Variants in CDH13 observed in about 807,000 individuals in gnomAD.
The protein encoded by CDH13 is cadherin-13.
CDH13 carries 24 observed loss-of-function variants against 63.8 expected under a neutral mutation model. The observed-to-expected ratio is 0.38, with a 90% confidence interval of 0.27 to 0.53. CDH13 has a LOEUF of 0.53. Among genes scored for constraint, CDH13 ranks in the 20% least tolerant of loss-of-function variants. The probability of loss-of-function intolerance (pLI) is 0.85; values close to 1 mark genes in which losing one functional copy is unlikely to be tolerated. For synonymous variants in CDH13, 503 were observed against 355.3 expected (o/e 1.42, Z -4.67); for missense variants, 1,049 against 903.1 (o/e 1.16, Z -2.07).
chr16:82,733,113 G>A (rs1292771846), intron 1 of CDH13, among the ~76,000 whole-genome samples: 2 of 152,186 alleles, frequency 1.3e-5, no homozygotes, highest in East Asian at 3.9e-4. Context: ...CAAGCATGAG[G>A]CAGAGAAGTT....
intron 7 of CDH13, among the ~76,000 whole-genome samples, chr16:83,541,449 G>A (rs951586400): frequency 2.6e-5 from 4 of 152,130 alleles, no homozygotes; most frequent in Non-Finnish European, 4.4e-5. Flanking sequence ...GGCAGAGATC[G>A]TGTGTTCACT....
At chr16:83,448,351 C>A (rs994199761) in intron 6 of CDH13, among the ~76,000 whole-genome samples, 3 of 152,070 alleles carry the variant, frequency 2.0e-5, no homozygotes, top group African/African-American at 7.2e-5. Flanking sequence ...ATCCAAGATA[C>A]CAACTTCAGC....
chr16:83,531,869 G>T (rs954534750), intron 7 of CDH13, among the ~76,000 whole-genome samples: 1 of 152,184 alleles, frequency 6.6e-6, no homozygotes, highest in Admixed American at 6.5e-5. Context: ...CAACCTAACA[G>T]TTTGTGGTAA....
intron 2 of CDH13, among the ~76,000 whole-genome samples, chr16:82,977,366 C>G (rs756484751): frequency 1.3e-5 from 2 of 152,192 alleles, no homozygotes; most frequent in African/African-American, 4.8e-5. Flanking sequence ...CACATGCACA[C>G]TGATATGGTT....
At chr16:82,740,179 T>A (rs773977874) in intron 1 of CDH13, among the ~76,000 whole-genome samples, 3 of 152,226 alleles carry the variant, frequency 2.0e-5, no homozygotes, top group Non-Finnish European at 4.4e-5. Context: ...TGAGCTCATA[T>A]CTGTCTATTT....
At chr16:83,064,350 CAA>C (rs1482521617) in intron 3 of CDH13, among the ~76,000 whole-genome samples, 1 of 109,786 alleles carries the variant, frequency 9.1e-6, no homozygotes, top group Non-Finnish European at 1.8e-5. Context: ...GCCTGGGTGA[CAA>C]AGTGAGACTG....
At chr16:83,012,707 A>G (rs1204610474) in intron 2 of CDH13, among the ~76,000 whole-genome samples, 1 of 152,176 alleles carries the variant, frequency 6.6e-6, no homozygotes, top group Non-Finnish European at 1.5e-5. Context: ...AAATTAAATT[A>G]TTCCTTTTGA....
At chr16:82,906,768 C>T (rs1377912198) in intron 2 of CDH13, among the ~76,000 whole-genome samples, 2 of 152,192 alleles carry the variant, frequency 1.3e-5, no homozygotes, top group Non-Finnish European at 2.9e-5. Context: ...TTCCCCACCC[C>T]TTCCTAGATG....
intron 10 of CDH13, among the ~76,000 whole-genome samples, chr16:83,727,632 C>G (rs573862807): frequency 8.6e-5 from 13 of 152,002 alleles, no homozygotes; most frequent in Non-Finnish European, 1.8e-4. Context: ...TTTTATAAGC[C>G]GAGAATGTTA....
chr16:83,371,894 C>T (rs2091373948), intron 6 of CDH13, among the ~76,000 whole-genome samples: 1 of 152,126 alleles, frequency 6.6e-6, no homozygotes, highest in South Asian at 2.1e-4. Context: ...GGAACAAGAA[C>T]ATTGTCCAGA....
intron 2 of CDH13, among the ~76,000 whole-genome samples, chr16:82,999,104 G>T (rs1435863926): frequency 1.3e-5 from 2 of 152,098 alleles, no homozygotes; most frequent in African/African-American, 4.8e-5. Flanking sequence ...TCTGGTGAAA[G>T]CATCCCTCTT....
chr16:82,754,555 T>C (rs551296437), intron 1 of CDH13, among the ~76,000 whole-genome samples: 2 of 152,294 alleles, frequency 1.3e-5, no homozygotes, highest in Admixed American at 6.5e-5. Context: ...TTGCTTTTCC[T>C]ATTGCTAAGC....
intron 3 of CDH13, among the ~76,000 whole-genome samples, chr16:83,063,422 T>G (rs1232333659): frequency 6.6e-6 from 1 of 152,172 alleles, no homozygotes; most frequent in Non-Finnish European, 1.5e-5. Flanking sequence ...GGAAATAGAT[T>G]CAGCTCTTCA....
chr16:83,330,218 C>T (rs1411844180), intron 5 of CDH13, among the ~76,000 whole-genome samples: 3 of 152,174 alleles, frequency 2.0e-5, no homozygotes, highest in Non-Finnish European at 2.9e-5. Flanking sequence ...CACACACACA[C>T]ATGCACACAC....
intron 5 of CDH13, among the ~76,000 whole-genome samples, chr16:83,235,681 G>A (rs375232709): frequency 9.4e-5 from 14 of 149,192 alleles, no homozygotes; most frequent in African/African-American, 3.2e-4. Context: ...GGTACCTTAA[G>A]ATCTAGGTAA....
intron 10 of CDH13, among the ~76,000 whole-genome samples, chr16:83,730,788 A>G (rs1215516494): frequency 2.0e-5 from 3 of 152,088 alleles, no homozygotes; most frequent in Non-Finnish European, 4.4e-5. Context: ...ATAGTACCCG[A>G]TAGTTTTCAA....
chr16:83,295,467 A>G (rs1269375944), intron 5 of CDH13, among the ~76,000 whole-genome samples: 1 of 152,126 alleles, frequency 6.6e-6, no homozygotes, highest in East Asian at 1.9e-4. Context: ...TGCAAACTGT[A>G]CATCTGATAA....
At chr16:83,577,468 G>C (rs765931695) in intron 7 of CDH13, among the ~76,000 whole-genome samples, 2 of 152,180 alleles carry the variant, frequency 1.3e-5, no homozygotes, top group Non-Finnish European at 2.9e-5. Flanking sequence ...CCTGCACACT[G>C]ACATTTAAAG....
At chr16:83,167,540 G>C (rs147593476) in intron 4 of CDH13, among the ~76,000 whole-genome samples, 2 of 145,178 alleles carry the variant, frequency 1.4e-5, no homozygotes, top group East Asian at 4.1e-4. Context: ...AGTTGGAGTA[G>C]CCTGGGCTCC....
Sources: gnomAD v4.1 joint callset for allele counts (sites outside exome capture counted in the v4.1 genomes callset) on GRCh38, gnomAD v4.1.1 for gene constraint, MANE v1.5 for transcripts, NCBI Gene and HGNC (gene_info 2026-07-23, HGNC 2026-07-21) for gene names.